The following MAP4K5 variants were observed in gnomAD, a reference collection of about 807,000 sequenced individuals.
MAP4K5 encodes the protein MAPK/ERK kinase kinase kinase 5.
In MAP4K5, 82 loss-of-function variants were observed where a neutral mutation model predicts 135.6. The observed-to-expected ratio is 0.60, with a 90% CI of 0.51 to 0.73. MAP4K5 has a LOEUF of 0.73. Ranked by LOEUF, MAP4K5 falls within the 30% of genes least tolerant of loss-of-function variation. The pLI is 0.00. For synonymous variants in MAP4K5, 347 were observed against 335.0 expected (o/e 1.04, Z -0.39); for missense variants, 907 against 1,010.9 (o/e 0.90, Z 1.39).
At chr14:50,536,971 A>C (rs1466818098), upstream of MAP4K5, among the ~76,000 whole-genome samples, 1 of 152,264 alleles carries the variant, frequency 6.6e-6, no homozygotes, top group Non-Finnish European at 1.5e-5. Context: ...AAATTCAAGC[A>C]GGCTGCAGAA....
chr14:50,536,088 C>T (rs1396592762), upstream of MAP4K5, among the ~76,000 whole-genome samples: 1 of 152,200 alleles, frequency 6.6e-6, no homozygotes, highest in African/African-American at 2.4e-5. Flanking sequence ...AATTAAACCT[C>T]TTTCTTTTGT....
At chr14:50,499,353 C>T (rs1309538360) in intron 3 of MAP4K5, among the ~76,000 whole-genome samples, 1 of 151,892 alleles carries the variant, frequency 6.6e-6, no homozygotes, top group Non-Finnish European at 1.5e-5. Flanking sequence ...TTGGAACCAA[C>T]AAGGAATAGA....
intron 6 of MAP4K5, among the ~76,000 whole-genome samples, chr14:50,477,589 A>G (rs1020412258): frequency 2.0e-5 from 3 of 152,198 alleles, no homozygotes; most frequent in Admixed American, 6.5e-5. Context: ...TTTACCATTA[A>G]GTATGAGTTA....
chr14:50,467,919 C>G (rs189715500), intron 10 of MAP4K5, among the ~76,000 whole-genome samples: 39 of 151,940 alleles, frequency 2.6e-4, no homozygotes, highest in Non-Finnish European at 4.4e-4. Context: ...CAATCTGTTG[C>G]CAATCACGTT....
intron 3 of MAP4K5, among the ~76,000 whole-genome samples, chr14:50,487,025 T>C (rs2037377230): frequency 6.6e-6 from 1 of 152,230 alleles, no homozygotes; most frequent in Admixed American, 6.5e-5. Context: ...AGATATTTTT[T>C]CCCTTTATAC....
chr14:50,544,378 G>A (rs546102945), intron 1 of MAP4K5, among the ~76,000 whole-genome samples: 1 of 152,298 alleles, frequency 6.6e-6, no homozygotes, highest in South Asian at 2.1e-4. Context: ...GGGAGACTGA[G>A]ACACTCCCCC....
Position 50,419,964 on chromosome 14 carries a change from T to C in MAP4K5, c.*55A>G, listed in dbSNP as rs1026469994. On this transcript the variant is annotated 3_prime_UTR_variant, in exon 33 of 33. Coordinates refer to ENST00000682126, the MANE Select transcript of MAP4K5 (RefSeq NM_006575.6). ...CAGTTTGTATTGAATTTCCTTATTT[T>C]TCCTTTCAATGGAGTATATTCATTT... 5 of 1,242,854 alleles carry C rather than the reference T, an allele frequency of 4.0e-6. No homozygotes were observed. The African/African-American group carries it at 7.4e-5, about 18-fold the overall frequency. 77.0% of individuals were successfully genotyped at this position (1,242,854 alleles called of 1,614,324 possible).
At chr14:50,496,720 G>A (rs2037602183) in intron 3 of MAP4K5, among the ~76,000 whole-genome samples, 1 of 151,608 alleles carries the variant, frequency 6.6e-6, no homozygotes. Context: ...ATGTTGCCCA[G>A]GCTGGTCTTG....
At chr14:50,557,213 A>G (rs1279178154) in intron 1 of MAP4K5, among the ~76,000 whole-genome samples, 2 of 152,224 alleles carry the variant, frequency 1.3e-5, no homozygotes, top group Non-Finnish European at 2.9e-5. Flanking sequence ...GGAGAATGTG[A>G]AACATTACTG....
chr14:50,523,226 G>A (rs147451566), intron 2 of MAP4K5, among the ~76,000 whole-genome samples: 2,187 of 152,166 alleles, frequency 0.014, 43 homozygotes, highest in African/African-American at 0.05. Context: ...CAGGAGAATC[G>A]CTTGAACCTG....
At chr14:50,497,325 G>T (rs2037616062) in intron 3 of MAP4K5, among the ~76,000 whole-genome samples, 1 of 152,114 alleles carries the variant, frequency 6.6e-6, no homozygotes, top group Non-Finnish European at 1.5e-5. Context: ...CCAATAAAAT[G>T]ACATTTGGGG....
chr14:50,435,127 T>C (rs993237175), intron 26 of MAP4K5, 62 bp from the exon 27 acceptor site: 11 of 819,666 alleles, frequency 1.3e-5, no homozygotes, highest in Non-Finnish European at 2.2e-5. Flanking sequence ...ACTTTCATTG[T>C]ATCTGTTAAC....
intron 2 of MAP4K5, among the ~76,000 whole-genome samples, chr14:50,527,873 T>C (rs953779774): frequency 1.3e-5 from 2 of 151,600 alleles, no homozygotes; most frequent in African/African-American, 2.4e-5. Context: ...AAAAGCCAGA[T>C]TGCCAGAACT....
chr14:50,491,773 C>T (rs969259828), intron 3 of MAP4K5, among the ~76,000 whole-genome samples: 12 of 151,710 alleles, frequency 7.9e-5, no homozygotes, highest in Admixed American at 4.6e-4. Flanking sequence ...GCAGCCTCAA[C>T]CTCCTGGGCT....
intron 2 of MAP4K5, among the ~76,000 whole-genome samples, chr14:50,526,395 G>C (rs979498445): frequency 6.6e-6 from 1 of 152,154 alleles, no homozygotes; most frequent in Non-Finnish European, 1.5e-5. Flanking sequence ...CGACCCCCGG[G>C]TTCAACCAAT....
chr14:50,522,162 T>A (rs2038165761), intron 2 of MAP4K5, among the ~76,000 whole-genome samples: 1 of 152,054 alleles, frequency 6.6e-6, no homozygotes, highest in Non-Finnish European at 1.5e-5. Context: ...GAAATGAAGA[T>A]CAAAGTGAAA....
At position 50,500,636 on chromosome 14, in the gene MAP4K5, C is replaced by T. The variant is rs77893861; in HGVS notation, c.166+4164G>A. Reference sequence around the variant, plus strand: ...TATGATTTATGTTTTTAAAAGTTCACTCCAGAGGCTTTCTGGAAAATAGAT... The same window carrying T: ...TATGATTTATGTTTTTAAAAGTTCATTCCAGAGGCTTTCTGGAAAATAGAT... On this transcript the variant is annotated intron_variant, in intron 3 of 32. Transcript: ENST00000682126. Among the ~76,000 whole-genome samples the T allele has an allele frequency of 5.9e-3, 891 of 152,216 alleles. 10 individuals are homozygous for T. The highest frequency in any genetic ancestry group is 0.02 in the African/African-American group (840 of 41,530).
intron 6 of MAP4K5, 60 bp downstream of exon 6, chr14:50,482,301 C>A: frequency 9.9e-7 from 1 of 1,009,382 alleles, no homozygotes; most frequent in South Asian, 1.8e-5. Context: ...GCCTTTCTAA[C>A]TACATTAAGA....
chr14:50,435,753 T>A (rs2036076089), intron 26 of MAP4K5, among the ~76,000 whole-genome samples: 1 of 152,132 alleles, frequency 6.6e-6, no homozygotes. Context: ...AAATAATTCA[T>A]CTTGTATGTA....
Sources: allele counts gnomAD v4.1 joint callset (sites outside exome capture counted in the v4.1 genomes callset), GRCh38; gene constraint gnomAD v4.1.1; transcripts MANE v1.5; gene names NCBI Gene and HGNC (gene_info 2026-07-23, HGNC 2026-07-21).